Variants in USH2A observed in about 807,000 individuals in gnomAD.
USH2A encodes Usher syndrome 2A (autosomal recessive, mild).
A neutral mutation model predicts 538.9 loss-of-function variants in USH2A; 443 were observed. The observed-to-expected ratio is 0.82, with a 90% CI of 0.76 to 0.89. The LOEUF is 0.89. USH2A is among the 40% of genes least tolerant of loss of function. The pLI is 0.00. For synonymous variants in USH2A, 2,413 were observed against 2,273.5 expected (o/e 1.06, Z -1.75); for missense variants, 6,633 against 6,324.8 (o/e 1.05, Z -1.65).
intron 56 of USH2A, 97 bp from the exon 57 acceptor site, chr1:215,759,940 T>C: frequency 2.8e-6 from 4 of 1,442,042 alleles, no homozygotes; most frequent in Non-Finnish European, 3.9e-6. Context: ...ATATTTTTTC[T>C]GTTGATTTTA....
At chr1:215,760,687 C>CA (rs1207414339) in intron 56 of USH2A, among the ~76,000 whole-genome samples, 3 of 152,150 alleles carry the variant, frequency 2.0e-5, no homozygotes, top group Non-Finnish European at 2.9e-5. Context: ...ACAAAACACA[C>CA]AAAAATAATG....
intron 38 of USH2A, among the ~76,000 whole-genome samples, chr1:215,933,398 C>T (rs1227638393): frequency 6.6e-6 from 1 of 151,834 alleles, no homozygotes; most frequent in Non-Finnish European, 1.5e-5. Context: ...ATTATTGTCT[C>T]AATAAATATG....
chr1:216,408,771 A>T (rs1370831156), intron 3 of USH2A, among the ~76,000 whole-genome samples: 1 of 152,172 alleles, frequency 6.6e-6, no homozygotes, highest in African/African-American at 2.4e-5. Context: ...CACAAGTTAC[A>T]ACTGTGATAC....
intron 13 of USH2A, among the ~76,000 whole-genome samples, chr1:216,232,741 T>G (rs149372632): frequency 2.4e-3 from 359 of 152,254 alleles, no homozygotes; most frequent in African/African-American, 8.3e-3. Flanking sequence ...CCACTCTTCA[T>G]CCCCGCTACG....
At chr1:215,634,954 ACTGT>A (rs1443735107) in intron 69 of USH2A, among the ~76,000 whole-genome samples, 3 of 152,258 alleles carry the variant, frequency 2.0e-5, no homozygotes, top group African/African-American at 7.2e-5. Context: ...GGAAATCACC[ACTGT>A]CTTGACAAAT....
intron 4 of USH2A, among the ~76,000 whole-genome samples, chr1:216,335,891 T>C (rs1451818418): frequency 1.3e-5 from 2 of 151,484 alleles, no homozygotes; most frequent in Non-Finnish European, 3.0e-5. Flanking sequence ...TTCCAAAAAA[T>C]AGAAGAGGAA....
intron 13 of USH2A, among the ~76,000 whole-genome samples, chr1:216,241,561 T>A (rs2035939076): frequency 6.6e-6 from 1 of 150,820 alleles, no homozygotes; most frequent in East Asian, 1.9e-4. Flanking sequence ...TGAGACGGAG[T>A]TTGGCTCTTG....
chr1:216,154,652 C>T (rs1295565620), intron 21 of USH2A, among the ~76,000 whole-genome samples: 4 of 152,028 alleles, frequency 2.6e-5, no homozygotes, highest in Non-Finnish European at 5.9e-5. Context: ...TTCCATCACC[C>T]CCTCCTCCTC....
At chr1:215,681,260 A>T (rs1382634617) in intron 61 of USH2A, among the ~76,000 whole-genome samples, 3 of 152,084 alleles carry the variant, frequency 2.0e-5, no homozygotes, top group Non-Finnish European at 4.4e-5. Context: ...CTGAAAGGAT[A>T]TGTCCTTTTA....
intron 58 of USH2A, among the ~76,000 whole-genome samples, chr1:215,754,813 C>G (rs974652213): frequency 1.3e-5 from 2 of 152,154 alleles, no homozygotes; most frequent in Admixed American, 6.5e-5. Context: ...TCAGAGAAAA[C>G]AGTTATTGTA....
At chr1:216,197,250 G>T (rs1425571363) in intron 18 of USH2A, among the ~76,000 whole-genome samples, 1 of 152,062 alleles carries the variant, frequency 6.6e-6, no homozygotes, top group East Asian at 1.9e-4. Context: ...AAATGTTCAG[G>T]TTACATACAC....
intron 32 of USH2A, among the ~76,000 whole-genome samples, chr1:216,025,843 G>A (rs1482923066): frequency 6.6e-6 from 1 of 151,944 alleles, no homozygotes; most frequent in African/African-American, 2.4e-5. Context: ...GCATCCTCTT[G>A]ATTTTTGCAT....
intron 55 of USH2A, among the ~76,000 whole-genome samples, chr1:215,773,472 G>A (rs1234023347): frequency 2.0e-5 from 3 of 146,806 alleles, no homozygotes; most frequent in Admixed American, 2.0e-4. Context: ...CCCACTTTAC[G>A]GATGTCTCTC....
At chr1:216,264,385 C>T (rs994232013) in intron 11 of USH2A, among the ~76,000 whole-genome samples, 3 of 152,014 alleles carry the variant, frequency 2.0e-5, no homozygotes, top group African/African-American at 7.2e-5. Flanking sequence ...GCAACCTCCA[C>T]CTCCTGGGTT....
At chr1:216,088,466 C>A (rs58179015) in intron 23 of USH2A, among the ~76,000 whole-genome samples, 5,680 of 152,066 alleles carry the variant, frequency 0.037, 367 homozygotes, top group African/African-American at 0.13. Flanking sequence ...TTAGATATTT[C>A]CTGAATAATT....
In USH2A at chr1:215,648,588, G is replaced by T. The variant is rs1317945547; in HGVS notation, c.14522C>A (p.Ala4841Asp). 6.2e-7 allele frequency: 1 copy of T among 1,614,080 alleles called. No individual in the cohort carries two copies. Among genetic ancestry groups the T allele is most frequent in the Non-Finnish European group, 8.5e-7 (1 of 1,180,030 alleles). The stretch of plus-strand genomic sequence containing the variant: ...CCACCGGAAGGAGGCCGTCCTTGAG[G>T]CCAGCGTCCCGATTTGTGGAGAGGA... ...GLSSPQIGTLASRTASFRWSP... is the reference protein window; with the variant it reads ...GLSSPQIGTLDSRTASFRWSP... Residue 4841 changes from alanine (A) to aspartate (D), a missense_variant, in exon 66 of 72, where the codon GCC becomes GAC. Coordinates refer to ENST00000307340, the MANE Select transcript of USH2A (RefSeq NM_206933.4).
At chr1:216,175,670 C>T (rs1319688513) in intron 20 of USH2A, among the ~76,000 whole-genome samples, 188 bp from the exon 21 acceptor site, 2 of 152,028 alleles carry the variant, frequency 1.3e-5, no homozygotes, top group Admixed American at 6.6e-5. Context: ...TGCAGTGAAA[C>T]AAAATTTAAA....
At chr1:215,915,062 C>G (rs1340645378) in intron 38 of USH2A, among the ~76,000 whole-genome samples, 1 of 152,088 alleles carries the variant, frequency 6.6e-6, no homozygotes, top group Non-Finnish European at 1.5e-5. Context: ...TTGTATGTAT[C>G]ATCACACTGA....
chr1:216,321,925 A>G lies in USH2A; in HGVS notation c.1602T>C (p.Tyr534=), dbSNP rs978455787. 1 of 1,613,844 alleles carries G rather than the reference A, an allele frequency of 6.2e-7. No homozygotes were observed. The highest frequency in any genetic ancestry group is 1.3e-5 in the African/African-American group (1 of 74,916). The stretch of plus-strand genomic sequence containing the variant: ...AGCTCTCCTGGGAGCAGAGGCATCT[A>G]TATGGCTGGCTTGTTGTGTCGCAGT... ...ADNCDTTSQP[Y]RCLCSQESFT... Residue 534 remains tyrosine (Y), a synonymous_variant, in exon 9 of 72, where the codon TAT becomes TAC. Coordinates refer to ENST00000307340, the MANE Select transcript of USH2A (RefSeq NM_206933.4).
Sources: gnomAD v4.1 joint callset for allele counts (sites outside exome capture counted in the v4.1 genomes callset) on GRCh38, gnomAD v4.1.1 for gene constraint, MANE v1.5 for transcripts, NCBI Gene and HGNC (gene_info 2026-07-23, HGNC 2026-07-21) for gene names.